AFG2A: variants seen among roughly 807,000 people sequenced by gnomAD.
The protein encoded by AFG2A is ATPase family gene 2 protein homolog A.
chr4:123,112,728 T>C, the AFG2A span, among the ~76,000 whole-genome samples: 1 of 152,252 alleles, frequency 6.6e-6, no homozygotes, highest in Non-Finnish European at 1.5e-5. Flanking sequence ...TTCCAGACCA[T>C]AAAAGCTTCT....
chr4:123,004,819 T>A, the AFG2A span, among the ~76,000 whole-genome samples: 36 of 152,344 alleles, frequency 2.4e-4, no homozygotes, highest in African/African-American at 6.0e-4. Flanking sequence ...CCCTTATATG[T>A]TCTCCATTGA....
the AFG2A span, among the ~76,000 whole-genome samples, chr4:123,073,330 AATC>A: frequency 6.6e-6 from 1 of 152,070 alleles, no homozygotes; most frequent in Non-Finnish European, 1.5e-5. Flanking sequence ...AAACAGTAAA[AATC>A]ATTGACAAAA....
chr4:123,030,537 CAT>C, the AFG2A span, among the ~76,000 whole-genome samples: 9 of 152,148 alleles, frequency 5.9e-5, no homozygotes, highest in African/African-American at 2.2e-4. Flanking sequence ...AGAAAAGCCA[CAT>C]GATGTTAACA....
At chr4:123,116,901 AG>A in the AFG2A span, among the ~76,000 whole-genome samples, 1 of 152,168 alleles carries the variant, frequency 6.6e-6, no homozygotes, top group Non-Finnish European at 1.5e-5. Flanking sequence ...TCTACTTTGT[AG>A]GTGTTGGTGT....
chr4:123,184,489 A>G, the AFG2A span, among the ~76,000 whole-genome samples: 1 of 149,678 alleles, frequency 6.7e-6, no homozygotes, highest in South Asian at 2.1e-4. Context: ...CCAGTTATAT[A>G]TATAAAGTGC....
the AFG2A span, among the ~76,000 whole-genome samples, chr4:123,067,201 T>G: frequency 6.6e-6 from 1 of 152,088 alleles, no homozygotes; most frequent in African/African-American, 2.4e-5. Flanking sequence ...TACAAGCCAA[T>G]TTTGACTGTG....
chr4:122,945,767 G>A, the AFG2A span, among the ~76,000 whole-genome samples: 1 of 152,184 alleles, frequency 6.6e-6, no homozygotes, highest in Non-Finnish European at 1.5e-5. Flanking sequence ...GACCGGAGCT[G>A]TTCCTGTTCG....
At chr4:123,049,188 T>A in the AFG2A span, among the ~76,000 whole-genome samples, 1 of 152,202 alleles carries the variant, frequency 6.6e-6, no homozygotes, top group Admixed American at 6.5e-5. Context: ...TGTTGGTTCA[T>A]CCTTGCATCC....
the AFG2A span, among the ~76,000 whole-genome samples, chr4:123,292,953 C>T: frequency 3.3e-5 from 5 of 152,290 alleles, no homozygotes; most frequent in East Asian, 9.7e-4. Flanking sequence ...GGGAGCTCTC[C>T]TTGAAAGGCA....
the AFG2A span, among the ~76,000 whole-genome samples, chr4:123,059,656 T>C: frequency 6.6e-6 from 1 of 151,092 alleles, no homozygotes; most frequent in Non-Finnish European, 1.5e-5. Flanking sequence ...TATAGTCCTT[T>C]GAGTATATAC....
chr4:122,990,953 G>A, the AFG2A span, among the ~76,000 whole-genome samples: 1 of 152,098 alleles, frequency 6.6e-6, no homozygotes, highest in East Asian at 1.9e-4. Flanking sequence ...ATAAGTTTTG[G>A]GATTGTTGGT....
At chr4:123,010,083 C>G in the AFG2A span, among the ~76,000 whole-genome samples, 1 of 152,152 alleles carries the variant, frequency 6.6e-6, no homozygotes, top group Admixed American at 6.5e-5. Context: ...TAAAATTGGT[C>G]TCTTTTACTA....
chr4:123,286,586 T>C, the AFG2A span, among the ~76,000 whole-genome samples: 3 of 152,200 alleles, frequency 2.0e-5, no homozygotes, highest in Admixed American at 1.3e-4. Context: ...TTTTTACATG[T>C]TTTTACTTAC....
chr4:123,016,411 G>A, the AFG2A span, among the ~76,000 whole-genome samples: 20 of 151,388 alleles, frequency 1.3e-4, no homozygotes, highest in African/African-American at 4.6e-4. Context: ...CAGACAGGGC[G>A]GCTGGGCAGA....
the AFG2A span, among the ~76,000 whole-genome samples, chr4:123,017,012 C>T: frequency 2.0e-5 from 3 of 152,110 alleles, no homozygotes; most frequent in African/African-American, 7.2e-5. Flanking sequence ...ATCGCAGGCC[C>T]TCGGCAGGCT....
At chr4:123,010,649 C>T in the AFG2A span, among the ~76,000 whole-genome samples, 2 of 152,194 alleles carry the variant, frequency 1.3e-5, no homozygotes, top group Admixed American at 1.3e-4. Flanking sequence ...CGCATGGGCC[C>T]CACACTTACC....
chr4:123,112,727 A>G, the AFG2A span, among the ~76,000 whole-genome samples: 1 of 152,124 alleles, frequency 6.6e-6, no homozygotes, highest in Non-Finnish European at 1.5e-5. Flanking sequence ...TTTCCAGACC[A>G]TAAAAGCTTC....
At chr4:123,302,926 GA>G in the AFG2A span, among the ~76,000 whole-genome samples, 1 of 152,156 alleles carries the variant, frequency 6.6e-6, no homozygotes, top group African/African-American at 2.4e-5. Context: ...ATGAAAGCAA[GA>G]CTGTTTTTTT....
the AFG2A span, chr4:123,028,291 C>T: frequency 7.4e-6 from 12 of 1,614,110 alleles, no homozygotes; most frequent in Non-Finnish European, 1.0e-5. Flanking sequence ...AATGGGTATT[C>T]AGCCACCTAA....
Sources: allele counts gnomAD v4.1 joint callset (sites outside exome capture counted in the v4.1 genomes callset), GRCh38; gene constraint gnomAD v4.1.1; transcripts MANE v1.5; gene names NCBI Gene and HGNC (gene_info 2026-07-23, HGNC 2026-07-21).